The following MACROD2 variants were observed in gnomAD, a reference collection of about 807,000 sequenced individuals.
The protein encoded by MACROD2 is ADP-ribose glycohydrolase MACROD2.
MACROD2 carries 36 observed loss-of-function variants against 70.4 expected under a neutral mutation model. The ratio of observed to expected loss-of-function variants is 0.51; its 90% CI spans 0.39 to 0.68. The LOEUF (loss-of-function observed/expected upper bound fraction) is 0.68, where lower values mean the gene tolerates loss of function less well. MACROD2 is among the 30% of genes least tolerant of loss of function. The probability of loss-of-function intolerance (pLI) is 0.00; values close to 1 mark genes in which losing one functional copy is unlikely to be tolerated. For missense variants in MACROD2, 496 were observed against 538.4 expected (o/e 0.92, Z 0.78); for synonymous variants, 172 against 178.8 (o/e 0.96, Z 0.30).
chr20:14,185,072 A>T (rs1274755191), intron 3 of MACROD2, among the ~76,000 whole-genome samples: 8 of 152,122 alleles, frequency 5.3e-5, no homozygotes, highest in African/African-American at 1.4e-4. Context: ...TGCCTGAAAC[A>T]TAGTAGATGT....
chr20:14,330,156 G>A (rs553798639), intron 3 of MACROD2, among the ~76,000 whole-genome samples: 1 of 152,020 alleles, frequency 6.6e-6, no homozygotes, highest in Non-Finnish European at 1.5e-5. Flanking sequence ...GTTCATACAT[G>A]AATATTGCCA....
chr20:15,118,193 T>TC (rs1335328777), intron 5 of MACROD2, among the ~76,000 whole-genome samples: 1 of 51,436 alleles, frequency 1.9e-5, no homozygotes, highest in East Asian at 1.5e-3. Flanking sequence ...TTTTTAATTT[T>TC]AAATTTTTTT....
intron 6 of MACROD2, among the ~76,000 whole-genome samples, chr20:15,390,500 A>T (rs899409662): frequency 6.6e-6 from 1 of 152,202 alleles, no homozygotes; most frequent in African/African-American, 2.4e-5. Context: ...CAGAATCTAG[A>T]ACAGTGCTTG....
chr20:14,950,182 A>C (rs1359594471), intron 5 of MACROD2, among the ~76,000 whole-genome samples: 1 of 152,136 alleles, frequency 6.6e-6, no homozygotes, highest in Non-Finnish European at 1.5e-5. Context: ...ATTAAGGCAG[A>C]TGGCTTCTAG....
chr20:14,306,071 A>G (rs996881962), intron 3 of MACROD2, among the ~76,000 whole-genome samples: 1 of 151,750 alleles, frequency 6.6e-6, no homozygotes, highest in Non-Finnish European at 1.5e-5. Context: ...AAACCTCTCT[A>G]TCCTCTCATT....
chr20:15,426,597 C>T (rs180884239), intron 6 of MACROD2, among the ~76,000 whole-genome samples: 4 of 152,110 alleles, frequency 2.6e-5, no homozygotes, highest in East Asian at 3.9e-4. Context: ...TTGTCTGCCT[C>T]GGCCTCAAAT....
At chr20:15,841,471 T>C (rs999895948) in intron 8 of MACROD2, among the ~76,000 whole-genome samples, 2 of 152,064 alleles carry the variant, frequency 1.3e-5, no homozygotes, top group Admixed American at 1.3e-4. Flanking sequence ...AAGCTTACAG[T>C]CATGTCAGAA....
At chr20:15,605,720 G>A (rs1385116853) in intron 8 of MACROD2, among the ~76,000 whole-genome samples, 1 of 152,256 alleles carries the variant, frequency 6.6e-6, no homozygotes, top group Non-Finnish European at 1.5e-5. Context: ...GTTCTAATGA[G>A]TTTTGTGTAT....
intron 10 of MACROD2, among the ~76,000 whole-genome samples, chr20:15,901,431 A>G (rs2065062754): frequency 1.3e-5 from 2 of 152,224 alleles, no homozygotes; most frequent in African/African-American, 4.8e-5. Context: ...ATAGTCTTTC[A>G]TGATGCTGTG....
chr20:14,353,164 G>A (rs1263238609), intron 3 of MACROD2, among the ~76,000 whole-genome samples: 1 of 152,112 alleles, frequency 6.6e-6, no homozygotes, highest in Non-Finnish European at 1.5e-5. Context: ...CCTCCACATA[G>A]TCAGCGACCC....
chr20:14,836,949 G>A (rs968885602), intron 5 of MACROD2, among the ~76,000 whole-genome samples: 2 of 151,976 alleles, frequency 1.3e-5, no homozygotes, highest in Non-Finnish European at 2.9e-5. Context: ...TGTATAGAAA[G>A]CACCTGTGCT....
At chr20:14,630,066 G>A (rs1454238847) in intron 4 of MACROD2, among the ~76,000 whole-genome samples, 1 of 151,770 alleles carries the variant, frequency 6.6e-6, no homozygotes, top group Non-Finnish European at 1.5e-5. Flanking sequence ...TTAAACAGAG[G>A]CAAAGGAAAG....
chr20:14,921,267 C>G (rs2074159521), intron 5 of MACROD2, among the ~76,000 whole-genome samples: 1 of 152,104 alleles, frequency 6.6e-6, no homozygotes, highest in Non-Finnish European at 1.5e-5. Flanking sequence ...ATTACATCTA[C>G]TCTATTTAGA....
intron 5 of MACROD2, among the ~76,000 whole-genome samples, chr20:14,993,443 T>G (rs1485671798): frequency 6.6e-6 from 1 of 152,068 alleles, no homozygotes; most frequent in African/African-American, 2.4e-5. Flanking sequence ...TGTAATAAAT[T>G]TAAGATCTTC....
At chr20:15,245,884 C>T (rs1437919561) in intron 6 of MACROD2, among the ~76,000 whole-genome samples, 1 of 152,180 alleles carries the variant, frequency 6.6e-6, no homozygotes, top group Non-Finnish European at 1.5e-5. Flanking sequence ...CAGATTTGCA[C>T]TTTTCTAACA....
chr20:14,638,468 A>G (rs1568713729), intron 4 of MACROD2, among the ~76,000 whole-genome samples: 4 of 152,132 alleles, frequency 2.6e-5, no homozygotes, highest in Admixed American at 2.0e-4. Context: ...CGACAGGATT[A>G]TATATAGAGA....
At chr20:14,039,462 AC>A in intron 2 of MACROD2, among the ~76,000 whole-genome samples, 2 of 152,136 alleles carry the variant, frequency 1.3e-5, no homozygotes, top group South Asian at 4.1e-4. Flanking sequence ...ATCTTAACAA[AC>A]CCCACTTTTA....
chr20:15,474,381 C>T (rs1341519166), intron 7 of MACROD2, among the ~76,000 whole-genome samples: 3 of 152,178 alleles, frequency 2.0e-5, no homozygotes, highest in African/African-American at 7.2e-5. Context: ...CAACTACCCA[C>T]CTTGCACAGC....
chr20:14,435,326 A>G (rs1394291510), intron 3 of MACROD2, among the ~76,000 whole-genome samples: 1 of 152,146 alleles, frequency 6.6e-6, no homozygotes, highest in African/African-American at 2.4e-5. Context: ...ATAATCCAGG[A>G]TGATGTCATC....
Sources: gnomAD v4.1 joint callset for allele counts (sites outside exome capture counted in the v4.1 genomes callset) on GRCh38, gnomAD v4.1.1 for gene constraint, MANE v1.5 for transcripts, NCBI Gene and HGNC (gene_info 2026-07-23, HGNC 2026-07-21) for gene names.